WNT2B: variants seen among roughly 807,000 people sequenced by gnomAD.
The protein encoded by WNT2B is Wnt family member 2B.
Under a neutral mutation model 40.5 loss-of-function variants are expected in WNT2B, and 19 were observed. That is an observed-to-expected ratio of 0.47 (90% confidence interval 0.33 to 0.69). WNT2B has a LOEUF of 0.69. Among genes scored for constraint, WNT2B ranks in the 30% least tolerant of loss-of-function variants. The pLI, the probability that WNT2B is intolerant of heterozygous loss-of-function variation, is 0.02. For missense variants in WNT2B, 467 were observed against 556.4 expected (o/e 0.84, Z 1.62); for synonymous variants, 220 against 211.9 (o/e 1.04, Z -0.33).
chr1:112,508,133 C>G (rs1044448450), upstream of WNT2B, among the ~76,000 whole-genome samples: 1 of 152,086 alleles, frequency 6.6e-6, no homozygotes, highest in Non-Finnish European at 1.5e-5. The surrounding 1 kb of genome is among the most constrained non-coding windows in gnomAD (Gnocchi z 4.2). Context: ...GACCCCCACC[C>G]TGGCCTCTGG....
intron 2 of WNT2B, 26 bp from the exon 3 acceptor site, chr1:112,516,114 G>A: frequency 6.3e-7 from 1 of 1,592,394 alleles, no homozygotes; most frequent in Non-Finnish European, 8.6e-7. Flanking sequence ...CTTTCCTGAA[G>A]CACACCTCTA....
At chr1:112,472,478 T>C (rs1650909158) in intron 1 of WNT2B, among the ~76,000 whole-genome samples, 1 of 150,174 alleles carries the variant, frequency 6.7e-6, no homozygotes, top group African/African-American at 2.5e-5. Flanking sequence ...ATTCAAAGAG[T>C]CTTCAGAGTT....
Position 112,520,427 on chromosome 1 carries a change from T to C in WNT2B, c.1094T>C (p.Val365Ala), listed in dbSNP as rs1557924842. Residue 365 changes from valine (V) to alanine (A), a missense_variant, in exon 5 of 5, where the codon GTA (valine) becomes GCA (alanine). Physicochemically the swap from Val to Ala is moderately conservative, Grantham distance 64. Transcript: ENST00000369684. ...CECKFHWCCA[V>A]RCKECRNTVD... ...TGCAAATTCCACTGGTGCTGTGCTG[T>C]ACGGTGCAAGGAATGCAGAAATACT... is the stretch of plus-strand genomic sequence containing the variant. 1 of 1,614,180 alleles carries C rather than the reference T, an allele frequency of 6.2e-7. No individual in the cohort carries two copies.
In WNT2B at chr1:112,516,357, GAA is replaced by G. The variant is rs1652541990; in HGVS notation, c.622_623del (p.Lys208GlufsTer3). 1 of 1,614,036 alleles carries G rather than the reference GAA, an allele frequency of 6.2e-7. No individual in the cohort carries two copies. Among genetic ancestry groups the G allele is most frequent in the Non-Finnish European group, 8.5e-7 (1 of 1,180,032 alleles). On this transcript the variant is annotated frameshift_variant, in exon 3 of 5. Transcript: ENST00000369684. LOFTEE classifies it high-confidence loss of function. ...FAKAFVDAKE[K>X]RLKDARALMN... The stretch of plus-strand genomic sequence containing the variant: ...CCAAGGCCTTCGTGGATGCCAAGGA[GAA>G]GAGGCTTAAGGATGCCCGGGCCCTC...
chr1:112,504,306 T>C (rs1431755942), upstream of WNT2B, among the ~76,000 whole-genome samples: 1 of 150,420 alleles, frequency 6.6e-6, no homozygotes, highest in Non-Finnish European at 1.5e-5. Context: ...CCCCTTCTCC[T>C]TTACATCCCT....
chr1:112,496,742 A>G (rs1570778455), intron 1 of WNT2B, among the ~76,000 whole-genome samples: 1 of 151,908 alleles, frequency 6.6e-6, no homozygotes, highest in African/African-American at 2.4e-5. Flanking sequence ...CTGGGATTAC[A>G]GGCATGTACC....
intron 1 of WNT2B, among the ~76,000 whole-genome samples, chr1:112,490,141 A>AC (rs1651551417): frequency 6.6e-6 from 1 of 152,130 alleles, no homozygotes; most frequent in South Asian, 2.1e-4. Flanking sequence ...CAAACAAGAG[A>AC]GACACCTCGC....
intron 1 of WNT2B, among the ~76,000 whole-genome samples, chr1:112,489,606 T>C (rs1309991537): frequency 6.6e-6 from 1 of 152,056 alleles, no homozygotes; most frequent in Non-Finnish European, 1.5e-5. Flanking sequence ...TAAAGTCCAT[T>C]GCATTATTCC....
intron 1 of WNT2B, among the ~76,000 whole-genome samples, chr1:112,500,615 T>G (rs972780955): frequency 9.2e-5 from 14 of 151,792 alleles, no homozygotes; most frequent in Non-Finnish European, 2.1e-4. Flanking sequence ...AAAAAAAATT[T>G]TTTTTAATTA....
upstream of WNT2B, among the ~76,000 whole-genome samples, chr1:112,507,412 C>T (rs143808747): frequency 1.7e-3 from 265 of 152,294 alleles, no homozygotes; most frequent in African/African-American, 6.2e-3. Context: ...GCACTCATCA[C>T]CTTACCACAG....
At chr1:112,514,669 A>C in intron 1 of WNT2B, 2 of 606,676 alleles carry the variant, frequency 3.3e-6, no homozygotes, top group Non-Finnish European at 5.8e-6. Context: ...GAGGCCACTC[A>C]ATTACTCTCT....
rs1294363726 is a variant in WNT2B at position 112,484,290 on chromosome 1, T to TATATATATACACAC, written c.-95+16700_-95+16701insTATATATACACACA. On this transcript the variant is annotated intron_variant, in intron 1 of 4. Coordinates refer to the WNT2B transcript ENST00000256640. ...ATATACACATATATATATATATATA[T>TATATATATACACAC]ACACACACATATATATAGAGAGAGA... 1.3e-3 allele frequency among the ~76,000 whole-genome samples: 165 copies of TATATATATACACAC among 125,994 alleles called. 1 individual carries two copies. Among genetic ancestry groups the TATATATATACACAC allele is most frequent in the African/African-American group, 5.2e-3 (155 of 29,626 alleles). The allele number at this position is 125,994 out of a possible 152,430, so 82.7% of individuals were successfully genotyped here. A position where few individuals can be genotyped will look rare whatever the true frequency, so the allele number is the denominator to read the frequency against.
chr1:112,517,064 G>A (rs1020298797), intron 3 of WNT2B, 57 bp from the exon 4 acceptor site: 2 of 1,570,310 alleles, frequency 1.3e-6, no homozygotes, highest in Admixed American at 1.7e-5. Flanking sequence ...ACCTAGGGAT[G>A]ACTAAAATGT....
At chr1:112,514,456 C>T (rs1213160517) in intron 1 of WNT2B, among the ~76,000 whole-genome samples, 17 of 152,172 alleles carry the variant, frequency 1.1e-4, no homozygotes, top group Admixed American at 9.8e-4. Context: ...GCGGGACATC[C>T]CTCTTAATGG....
In WNT2B at chr1:112,521,982, C is replaced by G. The variant is rs1652905358; in HGVS notation, c.*1473C>G. The G allele has an allele frequency of 6.6e-6, 1 of 152,150 alleles. No homozygotes were observed. The highest frequency in any genetic ancestry group is 1.5e-5 in the Non-Finnish European group (1 of 68,016). 9.4% of individuals were successfully genotyped at this position (152,150 alleles called of 1,614,324 possible). ...CAAGGTAGCTAAATTTTCTGAGCTT[C>G]TATTTTCTCATCTGTAAAATGAGGA... On this transcript the variant is annotated 3_prime_UTR_variant, in exon 5 of 5. Transcript: ENST00000369684.
At chr1:112,508,963 C>T (rs1026289218), upstream of WNT2B, 1 of 1,243,866 alleles carries the variant, frequency 8.0e-7, no homozygotes, top group Non-Finnish European at 1.0e-6. The surrounding 1 kb of genome is among the most constrained non-coding windows in gnomAD (Gnocchi z 4.2). Flanking sequence ...AAGGGGCTGT[C>T]CGCACACTAG....
Position 112,515,092 on chromosome 1 carries a change from G to C in WNT2B, c.401G>C (p.Arg134Thr), listed in dbSNP as rs755795273. 6.2e-7 allele frequency: 1 copy of C among 1,613,762 alleles called. No homozygotes were observed. Among genetic ancestry groups the C allele is most frequent in the Non-Finnish European group, 8.5e-7 (1 of 1,179,872 alleles). Residue 134 changes from arginine (R) to threonine (T), a missense_variant and splice_region_variant, in exon 2 of 5, where the codon AGA becomes ACA. This residue lies in a region of WNT2B where 330 missense variants were observed against 438.6 expected (regional missense o/e 0.75). Transcript: ENST00000369684. The surrounding 1 kb of genome is among the most constrained non-coding windows in gnomAD (Gnocchi z 4.4). ...ACCGTCTTTGGCCGTGTCATGCTCAGAAGTAAGAGCCTCTTCCATCCTGTG... is the reference window on the plus strand; with the variant it reads ...ACCGTCTTTGGCCGTGTCATGCTCACAAGTAAGAGCCTCTTCCATCCTGTG... Reference protein sequence around the residue: ...DHTVFGRVMLRSSREAAFVYA... With the variant: ...DHTVFGRVMLTSSREAAFVYA...
chr1:112,527,087 T>A lies in WNT2B; in HGVS notation c.*6578T>A, dbSNP rs1653566426. 6.6e-6 allele frequency: 1 copy of A among 152,228 alleles called. No homozygotes were observed. 9.4% of individuals were successfully genotyped at this position (152,228 alleles called of 1,614,324 possible). On this transcript the variant is annotated 3_prime_UTR_variant, in exon 5 of 5. Coordinates refer to ENST00000369684, the MANE Select transcript of WNT2B (RefSeq NM_024494.3). ...CTCTGTTTAGGCGCAAGACAGTGAG[T>A]AAGAGCAGCTCCAAAAGATGACGTA...
chr1:112,469,869 C>G (rs1650819842), intron 1 of WNT2B, among the ~76,000 whole-genome samples: 1 of 152,180 alleles, frequency 6.6e-6, no homozygotes, highest in South Asian at 2.1e-4. Flanking sequence ...CTATCTTGGC[C>G]TCCCAAAGTG....
Sources: allele counts gnomAD v4.1 joint callset (sites outside exome capture counted in the v4.1 genomes callset), GRCh38; gene constraint gnomAD v4.1.1; regional missense constraint gnomAD v4.1.1; non-coding constraint Gnocchi (gnomAD v3.1); transcripts MANE v1.5; gene names NCBI Gene and HGNC (gene_info 2026-07-23, HGNC 2026-07-21).